Variants in EIPR1 observed in about 807,000 individuals in gnomAD.
EIPR1 encodes EARP and GARP complex-interacting protein 1.
EIPR1 carries 25 observed loss-of-function variants against 48.1 expected under a neutral mutation model. The observed-to-expected ratio is 0.52, with a 90% confidence interval of 0.38 to 0.73. The LOEUF (loss-of-function observed/expected upper bound fraction) is 0.73. EIPR1 is among the 30% of genes least tolerant of loss of function. The probability of loss-of-function intolerance (pLI) is 0.00; values close to 1 mark genes in which losing one functional copy is unlikely to be tolerated. For missense variants in EIPR1, 415 were observed against 506.2 expected, an observed-to-expected ratio of 0.82 and a Z score of 1.73; for synonymous variants, 204 against 201.9, an observed-to-expected ratio of 1.01 and a Z score of -0.09.
intron 3 of EIPR1, chr2:3,320,079 CGGGCAACACCGCACCTGCAGGCA>C (rs71412009): frequency 6.3e-6 from 1 of 159,076 alleles, no homozygotes; most frequent in African/African-American, 2.7e-5. Flanking sequence ...ATCACACCTG[CGGGCAACACCGCACCTGCAGGCA>C]GGGCAACACC....
At chr2:3,252,752 G>A (rs563199832) in intron 4 of EIPR1, among the ~76,000 whole-genome samples, 6 of 152,334 alleles carry the variant, frequency 3.9e-5, no homozygotes, top group African/African-American at 1.2e-4. Context: ...CAGCTCAGGG[G>A]CTCCATCCCT....
intron 4 of EIPR1, among the ~76,000 whole-genome samples, chr2:3,225,739 A>C (rs942626402): frequency 4.6e-5 from 7 of 152,222 alleles, no homozygotes; most frequent in African/African-American, 1.7e-4. Flanking sequence ...TGAGGTGTCC[A>C]GAATGTATTC....
At chr2:3,313,234 G>A (rs1382564692) in intron 3 of EIPR1, among the ~76,000 whole-genome samples, 2 of 152,208 alleles carry the variant, frequency 1.3e-5, no homozygotes, top group Admixed American at 6.5e-5. Flanking sequence ...GGTGCTGAGA[G>A]GGTTAAAGGC....
At chr2:3,294,714 T>TGC (rs1325205706) in intron 3 of EIPR1, among the ~76,000 whole-genome samples, 5 of 102,234 alleles carry the variant, frequency 4.9e-5, no homozygotes, top group Non-Finnish European at 5.8e-5. Flanking sequence ...CCATCCTCTC[T>TGC]ACACACACCC....
At chr2:3,369,827 A>G (rs905625943) in intron 1 of EIPR1, among the ~76,000 whole-genome samples, 41 of 152,188 alleles carry the variant, frequency 2.7e-4, no homozygotes, top group Non-Finnish European at 1.3e-4. Flanking sequence ...AAACAAAAAG[A>G]CAGCAGTAAC....
intron 4 of EIPR1, among the ~76,000 whole-genome samples, chr2:3,225,369 T>C (rs1381138062): frequency 6.6e-6 from 1 of 151,848 alleles, no homozygotes; most frequent in African/African-American, 2.4e-5. Flanking sequence ...CCTCAGCCTC[T>C]CAAGTAGCTG....
intron 1 of EIPR1, among the ~76,000 whole-genome samples, chr2:3,368,818 T>A (rs1209476446): frequency 6.6e-6 from 1 of 152,194 alleles, no homozygotes; most frequent in East Asian, 1.9e-4. Context: ...TTCATGCATT[T>A]CAAATATAAT....
intron 4 of EIPR1, among the ~76,000 whole-genome samples, chr2:3,252,090 TCAATA>T (rs2103209666): frequency 6.6e-6 from 1 of 152,278 alleles, no homozygotes; most frequent in East Asian, 1.9e-4. Flanking sequence ...ACAGAACGGT[TCAATA>T]CGATATGGTT....
chr2:3,206,907 C>G (rs533862728), intron 5 of EIPR1, among the ~76,000 whole-genome samples: 1 of 152,246 alleles, frequency 6.6e-6, no homozygotes, highest in Admixed American at 6.5e-5. Flanking sequence ...CTGGGAGCAG[C>G]GCGTCATGAA....
chr2:3,376,875 A>G (rs921713177), intron 1 of EIPR1, among the ~76,000 whole-genome samples: 3 of 152,142 alleles, frequency 2.0e-5, no homozygotes, highest in African/African-American at 4.8e-5. Flanking sequence ...CAGGGCTCTA[A>G]CAGGCCCTAC....
At chr2:3,274,368 G>A (rs1667785773) in intron 3 of EIPR1, 2 of 1,550,382 alleles carry the variant, frequency 1.3e-6, no homozygotes, top group East Asian at 2.4e-5. Context: ...CAGTTGGGCA[G>A]CTGACTTCCC....
chr2:3,194,508 T>TGGG (rs1664730240), intron 6 of EIPR1: 1 of 189,804 alleles, frequency 5.3e-6, no homozygotes, highest in African/African-American at 2.3e-5. Flanking sequence ...ATGGGGACAC[T>TGGG]GAGCCAGACA....
At chr2:3,248,177 G>A (rs549893029) in intron 4 of EIPR1, among the ~76,000 whole-genome samples, 3 of 152,286 alleles carry the variant, frequency 2.0e-5, no homozygotes, top group Admixed American at 1.3e-4. Context: ...TCTGGGTGTG[G>A]TGTCTCACGC....
At position 3,369,688 on chromosome 2, in the gene EIPR1, C is replaced by T. The variant is rs180704392; in HGVS notation, c.42+7960G>A. Reference sequence around the variant, plus strand: ...GGTGGCAGCGAGGCTGGGGGAGGGGCGCCCGCCATTGCCCAGGATTGCTTA... The same window carrying T: ...GGTGGCAGCGAGGCTGGGGGAGGGGTGCCCGCCATTGCCCAGGATTGCTTA... On this transcript the variant is annotated intron_variant, in intron 1 of 8. Coordinates refer to ENST00000382125, the MANE Select transcript of EIPR1 (RefSeq NM_003310.5). Among the ~76,000 whole-genome samples the T allele has an allele frequency of 8.7e-3, 1,329 of 152,296 alleles. 125 individuals are homozygous for T. In the East Asian group the frequency reaches 0.2, roughly 23 times the overall value.
chr2:3,336,491 G>A (rs1304969108), intron 3 of EIPR1, among the ~76,000 whole-genome samples: 1 of 152,178 alleles, frequency 6.6e-6, no homozygotes, highest in East Asian at 1.9e-4. Flanking sequence ...AGAAGGGCCG[G>A]GCGCAGTGGC....
intron 4 of EIPR1, among the ~76,000 whole-genome samples, chr2:3,235,901 G>A (rs1359662890): frequency 6.6e-6 from 1 of 152,196 alleles, no homozygotes; most frequent in African/African-American, 2.4e-5. Context: ...AGCTCTGCAT[G>A]AAAGCTGGAG....
rs1475238715 is a variant in EIPR1, at chr2:3,331,146, C to T, written c.259+6871G>A. Among the ~76,000 whole-genome samples, 31 of 108,142 alleles carry T rather than the reference C, an allele frequency of 2.9e-4. 2 individuals carry two copies. The highest frequency in any genetic ancestry group is 5.4e-4 in the Admixed American group (6 of 11,074). 70.9% of individuals were successfully genotyped at this position (108,142 alleles called of 152,430 possible). On this transcript the variant is annotated intron_variant, in intron 3 of 8. Transcript: ENST00000382125. ...TGGTGTGAGCAGAAGCAGGCGTGTG[C>T]ACACTCATGAGATGGTGTGAGCAGA...
chr2:3,350,575 G>C (rs1427923922), intron 2 of EIPR1, among the ~76,000 whole-genome samples: 1 of 152,128 alleles, frequency 6.6e-6, no homozygotes, highest in African/African-American at 2.4e-5. Context: ...ACGAATATCT[G>C]TTCAGGTTTT....
chr2:3,358,931 G>A (rs879520499), intron 1 of EIPR1, among the ~76,000 whole-genome samples: 1 of 152,188 alleles, frequency 6.6e-6, no homozygotes, highest in Non-Finnish European at 1.5e-5. Flanking sequence ...CCACCTCAAA[G>A]GGAATGATTA....
Sources: allele counts gnomAD v4.1 joint callset (sites outside exome capture counted in the v4.1 genomes callset), GRCh38; gene constraint gnomAD v4.1.1; transcripts MANE v1.5; gene names NCBI Gene and HGNC (gene_info 2026-07-23, HGNC 2026-07-21).